The following HCRTR2 variants were observed in gnomAD, a reference collection of about 807,000 sequenced individuals.
The protein encoded by HCRTR2 is hypocretin receptor 2.
A neutral mutation model predicts 49.0 loss-of-function variants in HCRTR2; 22 were observed. The ratio of observed to expected loss-of-function variants is 0.45; its 90% CI spans 0.32 to 0.64. The LOEUF (loss-of-function observed/expected upper bound fraction) is 0.64. Among genes scored for constraint, HCRTR2 ranks in the 30% least tolerant of loss-of-function variants. HCRTR2 has a pLI of 0.04. For missense variants in HCRTR2, 491 were observed against 559.4 expected (o/e 0.88, Z 1.23); for synonymous variants, 236 against 205.3 (o/e 1.15, Z -1.28).
chr6:55,108,771 T>C (rs1382844113), intron 1 of HCRTR2, among the ~76,000 whole-genome samples: 1 of 152,010 alleles, frequency 6.6e-6, no homozygotes, highest in East Asian at 2.0e-4. Context: ...TCTGGCTTTT[T>C]GTAATTTTGT....
chr6:55,161,004 C>G (rs779706723), intron 1 of HCRTR2, among the ~76,000 whole-genome samples: 1 of 152,162 alleles, frequency 6.6e-6, no homozygotes, highest in Non-Finnish European at 1.5e-5. Context: ...CTATAGGACT[C>G]TCCACCCCAA....
intron 2 of HCRTR2, among the ~76,000 whole-genome samples, chr6:55,249,349 T>C (rs909947351): frequency 1.3e-5 from 2 of 152,152 alleles, no homozygotes; most frequent in African/African-American, 4.8e-5. Context: ...ATCAGTGCCA[T>C]GAACAGGTTT....
intron 1 of HCRTR2, among the ~76,000 whole-genome samples, chr6:55,186,617 A>G (rs1765220657): frequency 6.6e-6 from 1 of 152,230 alleles, no homozygotes; most frequent in Non-Finnish European, 1.5e-5. Flanking sequence ...ATATTTCTGC[A>G]ATAACTGAGA....
At chr6:55,118,860 C>T (rs2127236605) in intron 1 of HCRTR2, among the ~76,000 whole-genome samples, 1 of 151,812 alleles carries the variant, frequency 6.6e-6, no homozygotes, top group Non-Finnish European at 1.5e-5. Flanking sequence ...CATAGGTATG[C>T]ACATGCCATG....
intron 1 of HCRTR2, among the ~76,000 whole-genome samples, chr6:55,149,416 C>T (rs564620355): frequency 6.6e-6 from 1 of 152,182 alleles, no homozygotes; most frequent in Admixed American, 6.6e-5. Flanking sequence ...GTGGACACAA[C>T]TGTGGGTAAA....
At chr6:55,118,552 G>C (rs1029313115) in intron 1 of HCRTR2, among the ~76,000 whole-genome samples, 1 of 151,632 alleles carries the variant, frequency 6.6e-6, no homozygotes, top group African/African-American at 2.4e-5. Flanking sequence ...CCACAACCGT[G>C]CCAGCATCTG....
In HCRTR2 at chr6:55,115,509, T is replaced by TA. The variant is rs1376398383; in HGVS notation, c.-378+8964_-378+8965insA. Among the ~76,000 whole-genome samples, 271 of 136,128 alleles carry TA rather than the reference T, an allele frequency of 2.0e-3. 1 individual carries two copies. The highest frequency in any genetic ancestry group is 6.8e-3 in the African/African-American group (259 of 37,892). 89.3% of individuals were successfully genotyped at this position (136,128 alleles called of 152,430 possible). A position where few individuals can be genotyped will look rare whatever the true frequency, so the allele number is the denominator to read the frequency against. ...GTGTGTGTGTGTGTGTGTGTGTGTG[T>TA]GTGGTAGTAGTAGTAGTAGTACTAG... On this transcript the variant is annotated intron_variant, in intron 1 of 7. Transcript: ENST00000615358.
At chr6:55,202,611 C>T (rs1022772020) in intron 1 of HCRTR2, among the ~76,000 whole-genome samples, 2 of 152,048 alleles carry the variant, frequency 1.3e-5, no homozygotes, top group African/African-American at 4.8e-5. Context: ...TCTCATATGT[C>T]CTCACATGAT....
rs142101271 is a variant in HCRTR2, at chr6:55,144,143, G to A, written c.-377-30068G>A. Reference sequence around the variant, plus strand: ...TTTTTTTTTTTTTTGACGGAGTTTCGCTGTTGTTGCCCAGGCTGGAGTCCA... The same window carrying A: ...TTTTTTTTTTTTTTGACGGAGTTTCACTGTTGTTGCCCAGGCTGGAGTCCA... On this transcript the variant is annotated intron_variant, in intron 1 of 7. Transcript: ENST00000615358. Among the ~76,000 whole-genome samples, 528 of 113,132 alleles carry A rather than the reference G, an allele frequency of 4.7e-3. 7 individuals are homozygous for A. Among genetic ancestry groups the A allele is most frequent in the African/African-American group, 0.018 (489 of 26,568 alleles). The allele number at this position is 113,132 out of a possible 152,430, so 74.2% of individuals were successfully genotyped here.
chr6:55,228,313 C>A (rs1001047779), intron 1 of HCRTR2, among the ~76,000 whole-genome samples: 4 of 150,352 alleles, frequency 2.7e-5, no homozygotes, highest in African/African-American at 4.9e-5. Flanking sequence ...AAGACAGCAA[C>A]AGAGTTTAGA....
intron 1 of HCRTR2, among the ~76,000 whole-genome samples, chr6:55,243,289 G>A (rs950415640): frequency 6.6e-6 from 1 of 152,218 alleles, no homozygotes; most frequent in African/African-American, 2.4e-5. Context: ...CCTGGTTAAT[G>A]AAGGCAGGCT....
At chr6:55,158,502 G>A (rs1003956501) in intron 1 of HCRTR2, among the ~76,000 whole-genome samples, 1 of 152,136 alleles carries the variant, frequency 6.6e-6, no homozygotes, top group African/African-American at 2.4e-5. Context: ...GAACCCAGTG[G>A]TCTAGCTCGG....
At chr6:55,250,242 T>G (rs989494429) in intron 2 of HCRTR2, among the ~76,000 whole-genome samples, 2 of 152,078 alleles carry the variant, frequency 1.3e-5, no homozygotes, top group South Asian at 2.1e-4. Flanking sequence ...GCACATTTTT[T>G]TGTGTGTGAG....
chr6:55,193,008 C>T (rs1173450018), intron 1 of HCRTR2, among the ~76,000 whole-genome samples: 1 of 152,184 alleles, frequency 6.6e-6, no homozygotes, highest in African/African-American at 2.4e-5. Flanking sequence ...CAGTCTAGAA[C>T]TTGATGTTCT....
chr6:55,283,111 G>A (rs2088946), downstream of HCRTR2, among the ~76,000 whole-genome samples: 3,480 of 152,188 alleles, frequency 0.023, 142 homozygotes, highest in African/African-American at 0.078. Flanking sequence ...AAGTTTTAAC[G>A]TAATTTCCAT....
chr6:55,177,650 A>G lies in HCRTR2; in HGVS notation c.223+2840A>G, dbSNP rs375880334. 6.6e-5 allele frequency among the ~76,000 whole-genome samples: 10 copies of G among 152,126 alleles called. No individual in the cohort carries two copies. In the East Asian group the frequency reaches 9.6e-4, roughly 15 times the overall value. On this transcript the variant is annotated intron_variant, in intron 1 of 6. Coordinates refer to ENST00000370862, the MANE Select transcript of HCRTR2 (RefSeq NM_001384272.1). ...AAATCTCAACCTTTTTGGGCTTACA[A>G]ATATAATGCCATCAGTTAGAAGTCA...
At chr6:55,137,062 T>C (rs1027268649) in intron 1 of HCRTR2, among the ~76,000 whole-genome samples, 1 of 152,140 alleles carries the variant, frequency 6.6e-6, no homozygotes, top group African/African-American at 2.4e-5. Flanking sequence ...GGGAGGAGAA[T>C]TGGATGTGGG....
In HCRTR2 at chr6:55,245,489, A is replaced by ATC. The variant is rs1050915110; in HGVS notation, c.224-3149_224-3148insCT. On this transcript the variant is annotated intron_variant, in intron 1 of 6. Transcript: ENST00000370862. ...AGATTTTATATATATATATATATAT[A>ATC]TATATATATATATATATCTTCCCCA... 2.3e-5 allele frequency among the ~76,000 whole-genome samples: 3 copies of ATC among 132,662 alleles called. No individual in the cohort carries two copies. The Admixed American group carries it at 2.3e-4, about 10-fold the overall frequency. The allele number at this position is 132,662 out of a possible 152,430, so 87.0% of individuals were successfully genotyped here.
intron 1 of HCRTR2, 143 bp from the exon 2 acceptor site, chr6:55,248,496 G>A (rs1007036872): frequency 7.1e-6 from 5 of 707,488 alleles, no homozygotes; most frequent in East Asian, 5.4e-5. Flanking sequence ...CAGATTGACA[G>A]ATTCAGTGAA....
Sources: gnomAD v4.1 joint callset for allele counts (sites outside exome capture counted in the v4.1 genomes callset) on GRCh38, gnomAD v4.1.1 for gene constraint, MANE v1.5 for transcripts, NCBI Gene and HGNC (gene_info 2026-07-23, HGNC 2026-07-21) for gene names.